ZNF804B: variants seen among roughly 807,000 people sequenced by gnomAD.
ZNF804B encodes the protein zinc finger protein 804B.
A neutral mutation model predicts 101.4 loss-of-function variants in ZNF804B; 80 were observed. The ratio of observed to expected loss-of-function variants is 0.79; its 90% CI spans 0.66 to 0.95. The LOEUF (loss-of-function observed/expected upper bound fraction) is 0.95, where lower values mean the gene tolerates loss of function less well. Among genes scored for constraint, ZNF804B ranks in the 40% least tolerant of loss-of-function variants. ZNF804B has a pLI of 0.00. For missense variants in ZNF804B, 1,673 were observed against 1,561.9 expected, an observed-to-expected ratio of 1.07 and a Z score of -1.20; for synonymous variants, 622 against 558.8, an observed-to-expected ratio of 1.11 and a Z score of -1.59.
chr7:88,991,365 C>T (rs1292780259), intron 1 of ZNF804B, among the ~76,000 whole-genome samples: 1 of 152,254 alleles, frequency 6.6e-6, no homozygotes, highest in Non-Finnish European at 1.5e-5. Flanking sequence ...GTGTAGTACA[C>T]AACCACTGCT....
intron 2 of ZNF804B, among the ~76,000 whole-genome samples, chr7:89,323,512 A>C (rs1790850828): frequency 2.0e-5 from 3 of 152,210 alleles, no homozygotes; most frequent in Admixed American, 1.3e-4. Flanking sequence ...GAAATTAATA[A>C]TGTGATCCTT....
At chr7:88,767,375 A>G (rs1476953425) in intron 1 of ZNF804B, among the ~76,000 whole-genome samples, 1 of 152,200 alleles carries the variant, frequency 6.6e-6, no homozygotes. Context: ...ACTTCTCAGC[A>G]CCAGACAAAT....
intron 1 of ZNF804B, among the ~76,000 whole-genome samples, chr7:89,122,483 T>A (rs1020871140): frequency 6.6e-6 from 1 of 152,198 alleles, no homozygotes; most frequent in Admixed American, 6.5e-5. Context: ...AACTGACTTT[T>A]AGTAGGTATT....
At chr7:88,856,959 A>G (rs530129426) in intron 1 of ZNF804B, among the ~76,000 whole-genome samples, 66 of 152,116 alleles carry the variant, frequency 4.3e-4, no homozygotes, top group Non-Finnish European at 1.8e-4. Context: ...GATGAAGCCC[A>G]CTTGATCATG....
At chr7:89,116,404 A>G (rs1281530778) in intron 1 of ZNF804B, among the ~76,000 whole-genome samples, 1 of 152,144 alleles carries the variant, frequency 6.6e-6, no homozygotes, top group African/African-American at 2.4e-5. Context: ...TCCTGCTCCA[A>G]ATAAAAAGAC....
intron 1 of ZNF804B, among the ~76,000 whole-genome samples, chr7:89,013,009 C>G (rs1462679969): frequency 6.6e-6 from 1 of 152,110 alleles, no homozygotes; most frequent in Non-Finnish European, 1.5e-5. Flanking sequence ...TGAATGCAAG[C>G]AGGGGAAATG....
intron 1 of ZNF804B, among the ~76,000 whole-genome samples, chr7:88,831,459 G>C (rs1462197263): frequency 6.6e-6 from 1 of 151,610 alleles, no homozygotes; most frequent in Non-Finnish European, 1.5e-5. Context: ...ATTTGATTAA[G>C]TTATGACTAC....
chr7:89,110,258 A>G (rs981856248), intron 1 of ZNF804B, among the ~76,000 whole-genome samples: 1 of 152,210 alleles, frequency 6.6e-6, no homozygotes, highest in Admixed American at 6.5e-5. Context: ...GTAGTTCAAT[A>G]ATACTAATTC....
intron 1 of ZNF804B, among the ~76,000 whole-genome samples, chr7:88,928,730 T>A (rs533496516): frequency 1.3e-5 from 2 of 152,270 alleles, no homozygotes; most frequent in South Asian, 4.1e-4. Flanking sequence ...CATAAATCAC[T>A]CTGAAATCTT....
intron 1 of ZNF804B, among the ~76,000 whole-genome samples, chr7:88,855,046 A>G (rs1791534130): frequency 6.6e-6 from 1 of 152,050 alleles, no homozygotes. Flanking sequence ...GCTATTGTGA[A>G]TAGTGCCACA....
intron 1 of ZNF804B, among the ~76,000 whole-genome samples, chr7:88,949,004 C>G (rs1181469754): frequency 2.0e-5 from 3 of 150,346 alleles, no homozygotes; most frequent in Non-Finnish European, 4.4e-5. Context: ...CTTTTGTATA[C>G]TATGTGAAGT....
At chr7:88,897,600 T>C (rs368571302) in intron 1 of ZNF804B, among the ~76,000 whole-genome samples, 13 of 152,170 alleles carry the variant, frequency 8.5e-5, no homozygotes, top group Non-Finnish European at 1.6e-4. Context: ...CAGAACTCTA[T>C]AGATTGGAAC....
rs370612256 is a variant in ZNF804B at position 89,227,585 on chromosome 7, G to C, written c.249+9290G>C. ...GAAAAATAAAGGATTGAAGTGTACAGAGAATACAGTGGGGTAAATAGCATT... is the reference window on the plus strand; with the variant it reads ...GAAAAATAAAGGATTGAAGTGTACACAGAATACAGTGGGGTAAATAGCATT... On this transcript the variant is annotated intron_variant, in intron 2 of 3. Coordinates refer to ENST00000333190, the MANE Select transcript of ZNF804B (RefSeq NM_181646.5). Among the ~76,000 whole-genome samples the C allele has an allele frequency of 1.3e-3, 193 of 152,338 alleles. 1 individual carries two copies. Among genetic ancestry groups the C allele is most frequent in the African/African-American group, 4.4e-3 (181 of 41,584 alleles).
chr7:89,177,471 A>C (rs552022076), intron 1 of ZNF804B, among the ~76,000 whole-genome samples: 43 of 152,148 alleles, frequency 2.8e-4, no homozygotes, highest in Non-Finnish European at 4.7e-4. Flanking sequence ...CCTTGTGATT[A>C]GATACTTGAT....
At chr7:88,804,645 C>A (rs1335131072) in intron 1 of ZNF804B, among the ~76,000 whole-genome samples, 1 of 152,004 alleles carries the variant, frequency 6.6e-6, no homozygotes, top group Non-Finnish European at 1.5e-5. Flanking sequence ...AGCAAAGTTG[C>A]TTTACACATA....
chr7:89,311,424 T>C (rs1790649023), intron 2 of ZNF804B, among the ~76,000 whole-genome samples: 1 of 152,204 alleles, frequency 6.6e-6, no homozygotes, highest in Non-Finnish European at 1.5e-5. Flanking sequence ...TTCCTTTTTT[T>C]TTCTCACATT....
chr7:89,045,107 G>A (rs1789085254), intron 1 of ZNF804B, among the ~76,000 whole-genome samples: 1 of 152,314 alleles, frequency 6.6e-6, no homozygotes, highest in Admixed American at 6.5e-5. Context: ...GGGCTAAAAG[G>A]AACAAAGGTA....
At position 88,759,945 on chromosome 7, in the gene ZNF804B, A is replaced by G; in HGVS notation, c.-32A>G. ...TTCCACGGCTGGTCGCCTGGTGAGGAGTTGAGACTCTGCGCCTCCGCCCGG... is the reference window on the plus strand; with the variant it reads ...TTCCACGGCTGGTCGCCTGGTGAGGGGTTGAGACTCTGCGCCTCCGCCCGG... On this transcript the variant is annotated 5_prime_UTR_variant, in exon 1 of 4. Transcript: ENST00000333190. The G allele has an allele frequency of 6.3e-7, 1 of 1,588,498 alleles. No individual in the cohort carries two copies. Among genetic ancestry groups the G allele is most frequent in the Non-Finnish European group, 8.6e-7 (1 of 1,157,014 alleles).
intron 2 of ZNF804B, among the ~76,000 whole-genome samples, chr7:89,235,347 T>C (rs1170022348): frequency 6.6e-6 from 1 of 152,144 alleles, no homozygotes; most frequent in East Asian, 1.9e-4. Context: ...TCAAGTCTTC[T>C]CCATAAAGTC....
Sources: allele counts gnomAD v4.1 joint callset (sites outside exome capture counted in the v4.1 genomes callset), GRCh38; gene constraint gnomAD v4.1.1; transcripts MANE v1.5; gene names NCBI Gene and HGNC (gene_info 2026-07-23, HGNC 2026-07-21).